Variants in LEPROTL1 observed in about 807,000 individuals in gnomAD.
The protein encoded by LEPROTL1 is leptin receptor overlapping transcript like 1.
LEPROTL1 carries 6 observed loss-of-function variants against 15.4 expected under a neutral mutation model. The observed-to-expected ratio is 0.39, with a 90% CI of 0.21 to 0.77. The LOEUF is 0.77. Among genes scored for constraint, LEPROTL1 ranks in the 30% least tolerant of loss-of-function variants. The pLI is 0.41. For missense variants in LEPROTL1, 128 were observed against 158.1 expected (o/e 0.81, Z 1.02); for synonymous variants, 56 against 52.6 (o/e 1.06, Z -0.28).
In LEPROTL1 at chr8:30,137,429, C is replaced by G. The variant is rs977676259; in HGVS notation, c.*117C>G. 1.6e-5 allele frequency: 25 copies of G among 1,551,622 alleles called. No homozygotes were observed. The East Asian group carries it at 5.6e-4, about 35-fold the overall frequency. ...CCCGTGCTGAGGCTGGCAGACAGTG[C>G]TGAGTCACTTCTGGGCAGGCCTGCT... On this transcript the variant is annotated 3_prime_UTR_variant, in exon 5 of 5. Coordinates refer to the LEPROTL1 transcript ENST00000442880.
chr8:30,119,474 C>G (rs1802794692), intron 3 of LEPROTL1, among the ~76,000 whole-genome samples: 1 of 152,178 alleles, frequency 6.6e-6, no homozygotes, highest in African/African-American at 2.4e-5. Context: ...TGCCACTGCA[C>G]CGTATCTAGT....
intron 3 of LEPROTL1, among the ~76,000 whole-genome samples, chr8:30,126,153 A>C (rs762031614): frequency 1.3e-5 from 2 of 151,900 alleles, no homozygotes; most frequent in Non-Finnish European, 2.9e-5. Flanking sequence ...CCTGCCACTC[A>C]CCTCCTGTTG....
intron 2 of LEPROTL1, among the ~76,000 whole-genome samples, chr8:30,103,384 T>C (rs1325663087): frequency 6.6e-6 from 1 of 152,214 alleles, no homozygotes; most frequent in Non-Finnish European, 1.5e-5. Context: ...CTTTTTGTGC[T>C]TTTGTACTGT....
chr8:30,123,010 G>A (rs1285542371), intron 3 of LEPROTL1, among the ~76,000 whole-genome samples: 6 of 152,142 alleles, frequency 3.9e-5, no homozygotes, highest in African/African-American at 1.4e-4. Flanking sequence ...GTGTCAGCTG[G>A]GGGTTGGTGG....
intron 3 of LEPROTL1, among the ~76,000 whole-genome samples, chr8:30,105,487 TACTA>T: frequency 6.6e-6 from 1 of 150,474 alleles, no homozygotes; most frequent in Non-Finnish European, 1.5e-5. Context: ...TAAATGAAAA[TACTA>T]GTATAAAAGT....
At chr8:30,134,239 A>G (rs1341688585) in intron 4 of LEPROTL1, among the ~76,000 whole-genome samples, 2 of 152,186 alleles carry the variant, frequency 1.3e-5, no homozygotes, top group African/African-American at 4.8e-5. Context: ...CCTGGCCGAT[A>G]TGGTGAAACC....
At chr8:30,099,580 G>T (rs370173235) in intron 1 of LEPROTL1, among the ~76,000 whole-genome samples, 1 of 142,338 alleles carries the variant, frequency 7.0e-6, no homozygotes, top group African/African-American at 2.7e-5. Context: ...CCATCCTGGC[G>T]ACAGCGCAAG....
intron 3 of LEPROTL1, among the ~76,000 whole-genome samples, chr8:30,121,048 C>G (rs1241757834): frequency 6.6e-6 from 1 of 152,094 alleles, no homozygotes; most frequent in Non-Finnish European, 1.5e-5. Context: ...CTAGGTACCT[C>G]CTATGGAATC....
chr8:30,095,890 C>T (rs1406358476), intron 1 of LEPROTL1: 1 of 700,260 alleles, frequency 1.4e-6, no homozygotes, highest in Non-Finnish European at 2.6e-6. Flanking sequence ...GAGAGAGAGG[C>T]AGGCAGAGCG....
Position 30,106,413 on chromosome 8 carries a change from A to T in LEPROTL1, c.*551A>T, listed in dbSNP as rs529122663. Reference sequence around the variant, plus strand: ...ACTCAGTGCAAATATAGCTGCATTTATACCTCAGAGGGGCCAAGTGTTAAT... The same window carrying T: ...ACTCAGTGCAAATATAGCTGCATTTTTACCTCAGAGGGGCCAAGTGTTAAT... On this transcript the variant is annotated 3_prime_UTR_variant, in exon 4 of 4. Coordinates refer to ENST00000321250, the MANE Select transcript of LEPROTL1 (RefSeq NM_015344.3). The T allele has an allele frequency of 3.6e-5, 35 of 985,832 alleles. No homozygotes were observed. In the African/African-American group the frequency reaches 5.8e-4, roughly 16 times the overall value. 61.1% of individuals were successfully genotyped at this position (985,832 alleles called of 1,614,324 possible).
chr8:30,104,420 C>A lies in LEPROTL1; in HGVS notation c.213C>A (p.Ile71=), dbSNP rs570674174. 4.3e-6 allele frequency: 7 copies of A among 1,612,584 alleles called. No homozygotes were observed. Among genetic ancestry groups the A allele is most frequent in the Admixed American group, 1.7e-5 (1 of 59,834 alleles). Residue 71 remains isoleucine (I), a synonymous_variant, in exon 3 of 4, where the codon ATC becomes ATA. Transcript: ENST00000321250. ...AMSNACKELA[I]FLTTGIVVSA... Reference sequence around the variant, plus strand: ...GTAACGCTTGTAAGGAACTTGCCATCTTTCTTACAACGGGCATTGTCGTGT... The same window carrying A: ...GTAACGCTTGTAAGGAACTTGCCATATTTCTTACAACGGGCATTGTCGTGT...
chr8:30,114,668 G>A (rs773380372), intron 3 of LEPROTL1, among the ~76,000 whole-genome samples: 1 of 152,184 alleles, frequency 6.6e-6, no homozygotes, highest in Non-Finnish European at 1.5e-5. Flanking sequence ...AAACTCTGAT[G>A]GGAGTCCAGA....
chr8:30,106,629 AGAGT>A lies in LEPROTL1; in HGVS notation c.*772_*775del, dbSNP rs1334977697. On this transcript the variant is annotated 3_prime_UTR_variant, in exon 4 of 4. Transcript: ENST00000321250. ...GTTTTTATTTATGTTTATTATTGTTAGAGTGAGTTGCAATGTGGGAAGAAATGAC... is the reference window on the plus strand; with the variant it reads ...GTTTTTATTTATGTTTATTATTGTTAGAGTTGCAATGTGGGAAGAAATGAC... The A allele has an allele frequency of 2.0e-6, 2 of 982,730 alleles. No individual in the cohort carries two copies. Among genetic ancestry groups the A allele is most frequent in the African/African-American group, 3.5e-5 (2 of 57,188 alleles). 60.9% of individuals were successfully genotyped at this position (982,730 alleles called of 1,614,324 possible). A position where few individuals can be genotyped will look rare whatever the true frequency, so the allele number is the denominator to read the frequency against.
At chr8:30,112,805 A>G (rs1373599312), downstream of LEPROTL1, among the ~76,000 whole-genome samples, 1 of 152,100 alleles carries the variant, frequency 6.6e-6, no homozygotes, top group Admixed American at 6.5e-5. Flanking sequence ...TCACATAGAT[A>G]GTGAATGTTA....
At chr8:30,132,953 C>A in intron 4 of LEPROTL1, 1 of 1,373,570 alleles carries the variant, frequency 7.3e-7, no homozygotes. Context: ...TGTATTTATT[C>A]TCTCTCTCTT....
intron 3 of LEPROTL1, among the ~76,000 whole-genome samples, chr8:30,128,341 T>C (rs1490497594): frequency 2.0e-5 from 3 of 152,096 alleles, no homozygotes; most frequent in African/African-American, 7.2e-5. Flanking sequence ...TGGCCATCAG[T>C]GGGGAGATAG....
Position 30,107,574 on chromosome 8 carries a change from G to A in LEPROTL1, c.*1712G>A. The A allele has an allele frequency of 1.0e-6, 1 of 985,858 alleles. No homozygotes were observed. Among genetic ancestry groups the A allele is most frequent in the South Asian group, 4.7e-5 (1 of 21,286 alleles). 61.1% of individuals were successfully genotyped at this position (985,858 alleles called of 1,614,324 possible). ...TGCCTAACTTAAGCCATGACTTTTA[G>A]ATATGAGATGACGGGAAGCAGGACG... On this transcript the variant is annotated 3_prime_UTR_variant, in exon 4 of 4. Transcript: ENST00000321250.
At chr8:30,102,792 G>C (rs1002848498) in intron 2 of LEPROTL1, among the ~76,000 whole-genome samples, 1 of 151,954 alleles carries the variant, frequency 6.6e-6, no homozygotes, top group Non-Finnish European at 1.5e-5. Flanking sequence ...TTGCTAATAA[G>C]CACATAAAAA....
At chr8:30,110,051 A>G (rs1025946959), downstream of LEPROTL1, among the ~76,000 whole-genome samples, 1 of 152,056 alleles carries the variant, frequency 6.6e-6, no homozygotes, top group Admixed American at 6.6e-5. Context: ...CTTATATCTC[A>G]CTTCACCCTT....
Sources: allele counts gnomAD v4.1 joint callset (sites outside exome capture counted in the v4.1 genomes callset), GRCh38; gene constraint gnomAD v4.1.1; transcripts MANE v1.5; gene names NCBI Gene and HGNC (gene_info 2026-07-23, HGNC 2026-07-21).